The following DOCK9 variants were observed in gnomAD, a reference collection of about 807,000 sequenced individuals.
DOCK9 encodes dedicator of cytokinesis protein 9.
A neutral mutation model predicts 263.3 loss-of-function variants in DOCK9; 89 were observed. That is an observed-to-expected ratio of 0.34 (90% CI 0.28 to 0.40). DOCK9 has a LOEUF of 0.40. Among genes scored for constraint, DOCK9 ranks in the 10% least tolerant of loss-of-function variants. The pLI is 1.00. For synonymous variants in DOCK9, 976 were observed against 973.1 expected (o/e 1.00, Z -0.06); for missense variants, 2,140 against 2,603.4 (o/e 0.82, Z 3.87).
At chr13:98,815,497 T>G (rs944507905) in intron 45 of DOCK9, among the ~76,000 whole-genome samples, 28 of 152,230 alleles carry the variant, frequency 1.8e-4, no homozygotes, top group Non-Finnish European at 4.4e-5. Context: ...TTTTGTTTTT[T>G]TGAGACGGAG....
intron 1 of DOCK9, among the ~76,000 whole-genome samples, chr13:99,084,608 G>T (rs966972396): frequency 2.0e-5 from 3 of 152,178 alleles, no homozygotes; most frequent in African/African-American, 7.2e-5. Context: ...AGATATTCGG[G>T]GACTACTGCA....
chr13:98,975,760 C>T (rs1157814602), intron 1 of DOCK9, among the ~76,000 whole-genome samples: 5 of 152,168 alleles, frequency 3.3e-5, no homozygotes, highest in African/African-American at 2.4e-5. Context: ...CAAAATGCTA[C>T]CTCCTGAATA....
chr13:98,885,583 T>A, intron 20 of DOCK9, 125 bp downstream of exon 20: 2 of 1,027,466 alleles, frequency 1.9e-6, no homozygotes, highest in Non-Finnish European at 1.4e-6. Flanking sequence ...ATGCTACATA[T>A]CCGTTACCTA....
At chr13:98,925,168 CTAAA>C (rs1052127543) in intron 4 of DOCK9, among the ~76,000 whole-genome samples, 3 of 151,820 alleles carry the variant, frequency 2.0e-5, no homozygotes, top group African/African-American at 7.3e-5. Flanking sequence ...TGTCTCAAAA[CTAAA>C]TAAATAAAAA....
chr13:98,828,729 C>T (rs1378147626), intron 43 of DOCK9, among the ~76,000 whole-genome samples: 1 of 152,174 alleles, frequency 6.6e-6, no homozygotes, highest in Admixed American at 6.5e-5. Context: ...CAGATGATGT[C>T]ATTGAGCAAT....
At chr13:98,938,273 G>C (rs2055235437) in intron 2 of DOCK9, among the ~76,000 whole-genome samples, 1 of 152,216 alleles carries the variant, frequency 6.6e-6, no homozygotes, top group Non-Finnish European at 1.5e-5. Context: ...ATTGGAAAGA[G>C]ATTTGAGTTG....
chr13:99,052,232 GTGTGCCCTGTCTAATGTCAGCATCC>G (rs1411418981), intron 1 of DOCK9, among the ~76,000 whole-genome samples: 1 of 152,206 alleles, frequency 6.6e-6, no homozygotes, highest in Non-Finnish European at 1.5e-5. Flanking sequence ...AAAGGTAGGA[GTGTGCCCTGTCTAATGTCAGCATCC>G]TGTGCTTCCA....
chr13:98,855,777 C>T, intron 34 of DOCK9, 121 bp downstream of exon 34: 2 of 1,174,674 alleles, frequency 1.7e-6, no homozygotes, highest in East Asian at 2.4e-5. Context: ...TCCAGGTCAG[C>T]CGGGTGGTTT....
At chr13:98,950,569 C>G (rs1460720194) in intron 2 of DOCK9, 3 of 317,844 alleles carry the variant, frequency 9.4e-6, no homozygotes, top group African/African-American at 6.6e-5. Flanking sequence ...ACCCAAAGTG[C>G]TGGGGTTACA....
chr13:99,061,183 G>A (rs2041171687), intron 1 of DOCK9, among the ~76,000 whole-genome samples: 1 of 152,132 alleles, frequency 6.6e-6, no homozygotes, highest in South Asian at 2.1e-4. Flanking sequence ...AGCCCAAGCT[G>A]TTTCATTCCA....
chr13:98,970,913 C>T (rs2059670463), intron 1 of DOCK9, among the ~76,000 whole-genome samples: 1 of 152,130 alleles, frequency 6.6e-6, no homozygotes, highest in African/African-American at 2.4e-5. Context: ...CAACCCATTC[C>T]CTTGGTCTTA....
intron 33 of DOCK9, chr13:98,859,043 T>C (rs1179898853): frequency 6.6e-6 from 1 of 152,256 alleles, no homozygotes; most frequent in Non-Finnish European, 1.5e-5. Context: ...GCAAAGAAGA[T>C]AGACAACATC....
intron 36 of DOCK9, 82 bp downstream of exon 36, chr13:98,849,965 G>A: frequency 2.0e-6 from 2 of 1,012,564 alleles, no homozygotes; most frequent in Non-Finnish European, 3.0e-6. Flanking sequence ...TACTCCTCTG[G>A]TTCAACTACA....
At chr13:98,832,059 T>C (rs2092786551) in intron 39 of DOCK9, 3 of 363,938 alleles carry the variant, frequency 8.2e-6, no homozygotes, top group African/African-American at 6.2e-5. Flanking sequence ...TTTATTAATA[T>C]GTACTCATTT....
intron 1 of DOCK9, among the ~76,000 whole-genome samples, chr13:99,075,918 G>C (rs528656253): frequency 4.6e-5 from 7 of 152,034 alleles, no homozygotes; most frequent in Non-Finnish European, 1.0e-4. Context: ...TTCAATAGAG[G>C]GGGGAAGTCT....
chr13:99,004,411 T>C (rs748924478), intron 1 of DOCK9, among the ~76,000 whole-genome samples: 5 of 152,202 alleles, frequency 3.3e-5, no homozygotes, highest in Non-Finnish European at 7.3e-5. Flanking sequence ...TCTTTGATAA[T>C]GTTGTTACCT....
At chr13:99,005,299 C>A (rs75801375) in intron 1 of DOCK9, among the ~76,000 whole-genome samples, 9,416 of 152,292 alleles carry the variant, frequency 0.062, 393 homozygotes, top group South Asian at 0.17. Flanking sequence ...CATAAGATCA[C>A]TTAATTCAGC....
chr13:98,818,986 C>T (rs2092090665), intron 45 of DOCK9, among the ~76,000 whole-genome samples: 5 of 152,186 alleles, frequency 3.3e-5, no homozygotes, highest in South Asian at 2.1e-4. Flanking sequence ...TAGATGCCAT[C>T]GGTATTACCT....
At chr13:98,906,711 T>C (rs768235752) in intron 9 of DOCK9, among the ~76,000 whole-genome samples, 1 of 152,178 alleles carries the variant, frequency 6.6e-6, no homozygotes, top group Non-Finnish European at 1.5e-5. Flanking sequence ...TTAATCTTCT[T>C]AGCCATACGA....
Sources: gnomAD v4.1 joint callset for allele counts (sites outside exome capture counted in the v4.1 genomes callset) on GRCh38, gnomAD v4.1.1 for gene constraint, MANE v1.5 for transcripts, NCBI Gene and HGNC (gene_info 2026-07-23, HGNC 2026-07-21) for gene names.